The following DMD variants were observed in gnomAD, a reference collection of about 807,000 sequenced individuals.
The protein encoded by DMD is mutant dystrophin.
Under a neutral mutation model 330.1 loss-of-function variants are expected in DMD, and 63 were observed. The observed-to-expected ratio is 0.19, with a 90% CI of 0.16 to 0.24. The LOEUF (loss-of-function observed/expected upper bound fraction) is 0.24. Among genes scored for constraint, DMD ranks in the 10% least tolerant of loss-of-function variants. DMD has a pLI of 1.00. For missense variants in DMD, 3,344 were observed against 2,684.1 expected (o/e 1.25, Z -5.43); for synonymous variants, 1,223 against 959.8 (o/e 1.27, Z -5.07).
At chrX:32,681,604 T>G (rs1273170801) in intron 9 of DMD, among the ~76,000 whole-genome samples, 2 of 111,766 alleles carry the variant, frequency 1.8e-5, no homozygotes, top group Admixed American at 1.9e-4. Flanking sequence ...CCTTAAGTAT[T>G]GCTGTTCACT....
chrX:33,298,949 C>T (rs1251253463), intron 1 of DMD, among the ~76,000 whole-genome samples: 1 of 111,447 alleles, frequency 9.0e-6, no homozygotes, highest in Non-Finnish European at 1.9e-5. Flanking sequence ...GGGACAGAAG[C>T]GGAACAGCTA....
chrX:33,007,154 C>T (rs2093413070), intron 2 of DMD, among the ~76,000 whole-genome samples: 1 of 110,734 alleles, frequency 9.0e-6, no homozygotes, highest in African/African-American at 3.3e-5. Flanking sequence ...TCAGAACTCT[C>T]AAAATCTCCT....
chrX:32,463,066 C>T (rs1475110451), intron 25 of DMD, among the ~76,000 whole-genome samples: 12 of 111,933 alleles, frequency 1.1e-4, no homozygotes, highest in African/African-American at 3.2e-4. Flanking sequence ...ATATATTAGC[C>T]ATGCATTTTA....
intron 9 of DMD, among the ~76,000 whole-genome samples, chrX:32,661,827 G>C (rs1331370901): frequency 9.0e-6 from 1 of 111,082 alleles, no homozygotes; most frequent in African/African-American, 3.3e-5. Context: ...TTAGCACAAT[G>C]CCTTAAAATT....
chrX:33,299,923 G>A (rs1267623739), intron 1 of DMD, among the ~76,000 whole-genome samples: 3 of 111,870 alleles, frequency 2.7e-5, no homozygotes, highest in Non-Finnish European at 5.6e-5. Context: ...AAATCCTACA[G>A]TGTGAGAGCT....
chrX:32,386,860 C>T (rs1184855006), intron 32 of DMD, among the ~76,000 whole-genome samples: 2 of 109,959 alleles, frequency 1.8e-5, no homozygotes, highest in Non-Finnish European at 3.8e-5. Flanking sequence ...ACTCCTACAT[C>T]GGGTATTTAT....
intron 18 of DMD, among the ~76,000 whole-genome samples, chrX:32,512,399 G>A (rs1022097789): frequency 3.6e-5 from 4 of 112,249 alleles, no homozygotes; most frequent in Non-Finnish European, 7.5e-5. Flanking sequence ...TTATTCAGAA[G>A]TTGTTCTATC....
chrX:32,518,250 T>G, intron 17 of DMD, 119 bp from the exon 18 acceptor site: 1 of 702,494 alleles, frequency 1.4e-6, no homozygotes, highest in Non-Finnish European at 2.2e-6. Flanking sequence ...GCCTGACACC[T>G]CTATTAGTAT....
intron 1 of DMD, among the ~76,000 whole-genome samples, chrX:33,060,889 C>T (rs2081561245): frequency 9.2e-6 from 1 of 108,201 alleles, no homozygotes. Context: ...TATCACTTGA[C>T]AAAAACATTT....
At chrX:31,767,061 A>C (rs2090048406) in intron 51 of DMD, among the ~76,000 whole-genome samples, 1 of 111,870 alleles carries the variant, frequency 8.9e-6, no homozygotes, top group Non-Finnish European at 1.9e-5. Flanking sequence ...AAATTATATA[A>C]ATATGGATCA....
At chrX:32,371,054 G>A (rs2097874914) in intron 34 of DMD, among the ~76,000 whole-genome samples, 1 of 110,469 alleles carries the variant, frequency 9.1e-6, no homozygotes, top group African/African-American at 3.3e-5. Context: ...CAAGTTTCTC[G>A]GGTGATTTTG....
At chrX:32,785,617 C>G (rs889693861) in intron 7 of DMD, among the ~76,000 whole-genome samples, 1 of 111,410 alleles carries the variant, frequency 9.0e-6, no homozygotes, top group African/African-American at 3.3e-5. Context: ...TTATGTAAGA[C>G]AGATCTCGCT....
chrX:31,802,397 C>T (rs1458368), intron 50 of DMD, among the ~76,000 whole-genome samples: 28,008 of 110,306 alleles, frequency 0.25, 2,583 homozygotes, highest in East Asian at 0.44. Flanking sequence ...GAGGCAATGA[C>T]ATAAAGCATG....
In DMD at chrX:31,861,392, T is replaced by C. The variant is rs778450986; in HGVS notation, c.7098+13796A>G. Among the ~76,000 whole-genome samples, 6 of 110,420 alleles carry C rather than the reference T, an allele frequency of 5.4e-5. No homozygotes were observed. In the East Asian group the frequency reaches 1.4e-3, roughly 26 times the overall value. On this transcript the variant is annotated intron_variant, in intron 48 of 78. Coordinates refer to ENST00000357033, the MANE Select transcript of DMD (RefSeq NM_004006.3). ...TGGCAAAATGTACTAACAAGACAAA[T>C]GCCAGTTTGACGCAGCCATTCGACG... is the stretch of plus-strand genomic sequence containing the variant.
At position 32,525,750 on chromosome X, in the gene DMD, T is replaced by A. The variant is rs373093351; in HGVS notation, c.2169-7619A>T. On this transcript the variant is annotated intron_variant, in intron 17 of 78. Coordinates refer to ENST00000357033, the MANE Select transcript of DMD (RefSeq NM_004006.3). ...CTTTAAATTGGGTGCTATCTACTCT[T>A]CCCAGTGCTTTGCAGATGGCATTTT... Among the ~76,000 whole-genome samples, 57 of 111,577 alleles carry A rather than the reference T, an allele frequency of 5.1e-4. 2 individuals carry two copies. The South Asian group carries it at 0.021, about 41-fold the overall frequency.
At chrX:32,408,914 A>ATCCG (rs1345829756) in intron 30 of DMD, among the ~76,000 whole-genome samples, 4 of 108,721 alleles carry the variant, frequency 3.7e-5, no homozygotes, top group African/African-American at 1.3e-4. Context: ...CTATCTATCC[A>ATCCG]TCCATCAATC....
At chrX:31,226,105 T>C (rs2046561654) in intron 63 of DMD, among the ~76,000 whole-genome samples, 1 of 112,120 alleles carries the variant, frequency 8.9e-6, no homozygotes, top group African/African-American at 3.2e-5. Flanking sequence ...AGCATCAGTA[T>C]CTGCTTGGAG....
intron 51 of DMD, among the ~76,000 whole-genome samples, chrX:31,750,259 A>G (rs2088397951): frequency 9.3e-6 from 1 of 107,407 alleles, no homozygotes; most frequent in Non-Finnish European, 1.9e-5. Context: ...GTTTTCTTCT[A>G]GGGTTTTTAT....
At chrX:32,419,720 T>C (rs1387030577) in intron 29 of DMD, among the ~76,000 whole-genome samples, 1 of 112,026 alleles carries the variant, frequency 8.9e-6, no homozygotes, top group Non-Finnish European at 1.9e-5. Context: ...TGAAAACTCT[T>C]GGTGTCATGG....
Sources: allele counts gnomAD v4.1 joint callset (sites outside exome capture counted in the v4.1 genomes callset), GRCh38; gene constraint gnomAD v4.1.1; transcripts MANE v1.5; gene names NCBI Gene and HGNC (gene_info 2026-07-23, HGNC 2026-07-21).